Variants in ZDHHC14 observed in about 807,000 individuals in gnomAD.
The protein encoded by ZDHHC14 is palmitoyltransferase ZDHHC14.
A neutral mutation model predicts 47.7 loss-of-function variants in ZDHHC14; 16 were observed. The observed-to-expected ratio is 0.34, with a 90% CI of 0.23 to 0.51. The LOEUF (loss-of-function observed/expected upper bound fraction) is 0.51, where lower values mean the gene tolerates loss of function less well. Ranked by LOEUF, ZDHHC14 falls within the 20% of genes least tolerant of loss-of-function variation. The pLI, the probability that ZDHHC14 is intolerant of heterozygous loss-of-function variation, is 0.97. For synonymous variants in ZDHHC14, 293 were observed against 278.9 expected (o/e 1.05, Z -0.50); for missense variants, 515 against 662.5 (o/e 0.78, Z 2.44).
chr6:157,639,101 C>T (rs543472020), intron 5 of ZDHHC14, among the ~76,000 whole-genome samples: 1 of 152,344 alleles, frequency 6.6e-6, no homozygotes, highest in South Asian at 2.1e-4. Flanking sequence ...TGCCCTGCAT[C>T]GTGTGAGCAC....
At chr6:157,624,077 G>A (rs1341555163) in intron 3 of ZDHHC14, among the ~76,000 whole-genome samples, 2 of 152,158 alleles carry the variant, frequency 1.3e-5, no homozygotes, top group Non-Finnish European at 2.9e-5. Flanking sequence ...ATGGCTGTGT[G>A]GAGCTTCTCA....
At chr6:157,404,316 G>A (rs996653554) in intron 1 of ZDHHC14, among the ~76,000 whole-genome samples, 7 of 152,014 alleles carry the variant, frequency 4.6e-5, no homozygotes, top group African/African-American at 1.4e-4. Flanking sequence ...TTTGTTTTTC[G>A]TAGAGGTGGG....
chr6:157,405,066 C>T (rs1777713902), intron 1 of ZDHHC14, among the ~76,000 whole-genome samples: 1 of 151,670 alleles, frequency 6.6e-6, no homozygotes, highest in Non-Finnish European at 1.5e-5. Flanking sequence ...AGAAACAGGG[C>T]TGAAGCTCCC....
At chr6:157,487,038 G>A (rs1779797554) in intron 1 of ZDHHC14, among the ~76,000 whole-genome samples, 1 of 152,244 alleles carries the variant, frequency 6.6e-6, no homozygotes, top group Admixed American at 6.5e-5. Context: ...AGCAACTACT[G>A]GACACATAAG....
intron 1 of ZDHHC14, among the ~76,000 whole-genome samples, chr6:157,469,571 C>T (rs1444213070): frequency 6.6e-6 from 1 of 152,232 alleles, no homozygotes; most frequent in Non-Finnish European, 1.5e-5. Flanking sequence ...TGCTCAATCT[C>T]TGTGGCTGTT....
intron 3 of ZDHHC14, among the ~76,000 whole-genome samples, chr6:157,620,810 T>A (rs1175591307): frequency 1.3e-5 from 2 of 152,170 alleles, no homozygotes; most frequent in Non-Finnish European, 2.9e-5. Flanking sequence ...CAGCAGAGAA[T>A]TGGAGTGTGA....
chr6:157,537,296 G>GA (rs66471846), intron 1 of ZDHHC14, among the ~76,000 whole-genome samples: 5 of 152,086 alleles, frequency 3.3e-5, no homozygotes, highest in Non-Finnish European at 5.9e-5. Context: ...TATTTGAACT[G>GA]AAAAAAATTC....
At chr6:157,414,909 C>T (rs1245467415) in intron 1 of ZDHHC14, among the ~76,000 whole-genome samples, 1 of 146,206 alleles carries the variant, frequency 6.8e-6, no homozygotes, top group Admixed American at 7.0e-5. Context: ...GTCCCAAGTA[C>T]AGGCTTTCGA....
intron 1 of ZDHHC14, among the ~76,000 whole-genome samples, chr6:157,438,573 T>G (rs1244273440): frequency 6.6e-6 from 1 of 152,238 alleles, no homozygotes. Context: ...TTTGCAAATG[T>G]GAGGATCACC....
intron 3 of ZDHHC14, among the ~76,000 whole-genome samples, chr6:157,624,430 A>G (rs1030640636): frequency 6.6e-6 from 1 of 152,224 alleles, no homozygotes; most frequent in African/African-American, 2.4e-5. Context: ...ATGGAAGCTA[A>G]ATTAGGAGTT....
At chr6:157,631,590 C>T (rs1416828771) in intron 4 of ZDHHC14, 1 of 152,196 alleles carries the variant, frequency 6.6e-6, no homozygotes, top group Non-Finnish European at 1.5e-5. Context: ...TCTGTGGGAT[C>T]CTGGGCTCTT....
chr6:157,546,456 CT>C (rs763812628), intron 2 of ZDHHC14, among the ~76,000 whole-genome samples: 2 of 152,202 alleles, frequency 1.3e-5, no homozygotes, highest in African/African-American at 2.4e-5. Context: ...CAGCTTTCCC[CT>C]GTCTTCAAAC....
intron 1 of ZDHHC14, among the ~76,000 whole-genome samples, chr6:157,457,698 G>A (rs148861990): frequency 4.0e-4 from 61 of 152,306 alleles, no homozygotes; most frequent in Non-Finnish European, 5.0e-4. Context: ...CCTTGGCATC[G>A]GGGGTCTCTT....
chr6:157,417,146 G>T (rs1331560441), intron 1 of ZDHHC14, among the ~76,000 whole-genome samples: 2 of 151,754 alleles, frequency 1.3e-5, no homozygotes, highest in African/African-American at 4.8e-5. Context: ...GCAATTTTAT[G>T]GCATCCTTCC....
At chr6:157,626,061 TAAA>T (rs1285175430) in intron 3 of ZDHHC14, among the ~76,000 whole-genome samples, 2 of 152,190 alleles carry the variant, frequency 1.3e-5, no homozygotes, top group Non-Finnish European at 2.9e-5. Context: ...CTTTCTAAGC[TAAA>T]AATACAACCT....
chr6:157,478,585 G>A (rs1779545676), intron 1 of ZDHHC14, among the ~76,000 whole-genome samples: 1 of 152,182 alleles, frequency 6.6e-6, no homozygotes, highest in Non-Finnish European at 1.5e-5. Flanking sequence ...CCACACACAA[G>A]AGAGTCAAAG....
intron 1 of ZDHHC14, among the ~76,000 whole-genome samples, chr6:157,390,185 G>A (rs1000249979): frequency 6.6e-6 from 1 of 152,128 alleles, no homozygotes; most frequent in Admixed American, 6.5e-5. Flanking sequence ...ATTCTAGGTT[G>A]ATAGTCTTTT....
chr6:157,563,645 C>T (rs1051875085), intron 2 of ZDHHC14, among the ~76,000 whole-genome samples: 7 of 152,080 alleles, frequency 4.6e-5, no homozygotes, highest in African/African-American at 1.7e-4. Context: ...GGAGTGTGTC[C>T]CCAGCCAGCA....
chr6:157,448,510 C>T (rs901321497), intron 1 of ZDHHC14, among the ~76,000 whole-genome samples: 8 of 152,178 alleles, frequency 5.3e-5, no homozygotes, highest in Non-Finnish European at 8.8e-5. Flanking sequence ...TATACTAACC[C>T]TACTCTTCCC....
Sources: allele counts gnomAD v4.1 joint callset (sites outside exome capture counted in the v4.1 genomes callset), GRCh38; gene constraint gnomAD v4.1.1; transcripts MANE v1.5; gene names NCBI Gene and HGNC (gene_info 2026-07-23, HGNC 2026-07-21).